ROBO2: variants seen among roughly 807,000 people sequenced by gnomAD.
ROBO2 encodes the protein roundabout guidance receptor 2, also known as roundabout homolog 2.
ROBO2 carries 53 observed loss-of-function variants against 160.8 expected under a neutral mutation model. The ratio of observed to expected loss-of-function variants is 0.33; its 90% CI spans 0.26 to 0.41. The LOEUF (loss-of-function observed/expected upper bound fraction) is 0.41. Among genes scored for constraint, ROBO2 ranks in the 10% least tolerant of loss-of-function variants. The pLI is 1.00. For missense variants in ROBO2, 1,577 were observed against 1,722.4 expected, an observed-to-expected ratio of 0.92 and a Z score of 1.49; for synonymous variants, 664 against 611.7, an observed-to-expected ratio of 1.09 and a Z score of -1.26.
intron 2 of ROBO2, among the ~76,000 whole-genome samples, chr3:76,442,798 TCA>T (rs1376968474): frequency 1.3e-5 from 2 of 152,156 alleles, no homozygotes; most frequent in Non-Finnish European, 2.9e-5. Flanking sequence ...TTGCAGAATC[TCA>T]GTGTTTGCGT....
At chr3:77,375,049 A>G (rs1365195682) in intron 2 of ROBO2, among the ~76,000 whole-genome samples, 1 of 152,028 alleles carries the variant, frequency 6.6e-6, no homozygotes, top group Admixed American at 6.6e-5. Context: ...TCTCTACAAA[A>G]AGTTTTTGAA....
At chr3:77,570,254 C>A (rs1208130841) in intron 13 of ROBO2, among the ~76,000 whole-genome samples, 1 of 151,982 alleles carries the variant, frequency 6.6e-6, no homozygotes, top group Non-Finnish European at 1.5e-5. Flanking sequence ...TGAAGTTAAT[C>A]ACTTTAAAGT....
chr3:76,874,732 G>A (rs2072514069), intron 2 of ROBO2, among the ~76,000 whole-genome samples: 1 of 152,190 alleles, frequency 6.6e-6, no homozygotes, highest in Non-Finnish European at 1.5e-5. Context: ...CATGGAATGA[G>A]TAAACAAAAT....
At chr3:77,382,037 A>T (rs1415166396) in intron 2 of ROBO2, among the ~76,000 whole-genome samples, 1 of 152,150 alleles carries the variant, frequency 6.6e-6, no homozygotes. Context: ...TTTGTCCTTG[A>T]TGTTTGCAGA....
chr3:77,172,440 G>A (rs904186399), intron 2 of ROBO2, among the ~76,000 whole-genome samples: 4 of 151,962 alleles, frequency 2.6e-5, no homozygotes, highest in African/African-American at 4.8e-5. Context: ...ACAGAATTTG[G>A]CAAACATTAT....
intron 2 of ROBO2, among the ~76,000 whole-genome samples, chr3:76,147,948 T>C (rs1051789853): frequency 8.6e-5 from 13 of 152,040 alleles, no homozygotes; most frequent in African/African-American, 2.7e-4. Context: ...GTTCACGTTG[T>C]TATCTATAGA....
At chr3:76,498,683 CT>C (rs71101892) in intron 2 of ROBO2, among the ~76,000 whole-genome samples, 1,475 of 130,804 alleles carry the variant, frequency 0.011, 11 homozygotes, top group African/African-American at 0.029. Context: ...AGTTTGTCTG[CT>C]TTTTTTTTTT....
At chr3:76,948,230 A>G (rs1200305727) in intron 2 of ROBO2, among the ~76,000 whole-genome samples, 1 of 152,190 alleles carries the variant, frequency 6.6e-6, no homozygotes, top group East Asian at 1.9e-4. Context: ...TCTTGCAATT[A>G]TGCTGCTCTG....
intron 2 of ROBO2, among the ~76,000 whole-genome samples, chr3:76,445,126 A>T (rs2077112485): frequency 6.6e-6 from 1 of 152,192 alleles, no homozygotes; most frequent in African/African-American, 2.4e-5. Context: ...GAAGGGAAAG[A>T]TATTTTCTAA....
intron 2 of ROBO2, among the ~76,000 whole-genome samples, chr3:76,172,820 A>G (rs1477740606): frequency 6.6e-6 from 1 of 152,146 alleles, no homozygotes; most frequent in African/African-American, 2.4e-5. Flanking sequence ...TGTTTTATAA[A>G]TGGAAATTTT....
At chr3:77,313,603 A>C (rs2063725095) in intron 2 of ROBO2, among the ~76,000 whole-genome samples, 3 of 151,678 alleles carry the variant, frequency 2.0e-5, no homozygotes, top group Admixed American at 2.0e-4. Context: ...GTTTGTTTTT[A>C]AGATGGAGTT....
At chr3:75,944,561 G>A (rs1315603796) in intron 2 of ROBO2, among the ~76,000 whole-genome samples, 1 of 152,028 alleles carries the variant, frequency 6.6e-6, no homozygotes, top group Non-Finnish European at 1.5e-5. Flanking sequence ...TGTACACAGT[G>A]TTCATAGTGT....
intron 2 of ROBO2, among the ~76,000 whole-genome samples, chr3:77,214,803 C>T (rs1009889464): frequency 2.2e-4 from 34 of 152,072 alleles, no homozygotes; most frequent in Admixed American, 5.9e-4. Flanking sequence ...AGCATTTGCT[C>T]GTCTGTAAAG....
intron 2 of ROBO2, among the ~76,000 whole-genome samples, chr3:76,087,557 T>C (rs1601982): frequency 0.38 from 58,193 of 151,824 alleles, 11,740 homozygotes; most frequent in South Asian, 0.58. Flanking sequence ...TGATACAGGT[T>C]ACAAAGTCAT....
chr3:77,075,851 T>C (rs1424248097), intron 1 of ROBO2, among the ~76,000 whole-genome samples: 1 of 151,738 alleles, frequency 6.6e-6, no homozygotes, highest in African/African-American at 2.4e-5. Flanking sequence ...CTAATTTTTG[T>C]ATTTTTAGTA....
rs1300686323 is a variant in ROBO2 at position 76,282,318 on chromosome 3, TA to T, written c.109+344717del. Among the ~76,000 whole-genome samples the T allele has an allele frequency of 2.6e-5, 4 of 152,006 alleles. No individual in the cohort carries two copies. The East Asian group carries it at 7.7e-4, about 29-fold the overall frequency. ...CTGTATAAAGTGTCAATCATGGAGATACAAATGAGAAATAATAAATTTTACA... is the reference window on the plus strand; with the variant it reads ...CTGTATAAAGTGTCAATCATGGAGATCAAATGAGAAATAATAAATTTTACA... On this transcript the variant is annotated intron_variant, in intron 2 of 26. Transcript: ENST00000487694.
intron 2 of ROBO2, among the ~76,000 whole-genome samples, chr3:77,351,821 G>A (rs1031277008): frequency 4.6e-5 from 7 of 151,882 alleles, no homozygotes; most frequent in Non-Finnish European, 8.8e-5. Context: ...AATAAGAGTC[G>A]CAGGTTTTTT....
In ROBO2 at chr3:77,240,359, C is replaced by T. The variant is rs376332772; in HGVS notation, c.388+142019C>T. Among the ~76,000 whole-genome samples, 3 of 152,196 alleles carry T rather than the reference C, an allele frequency of 2.0e-5. No homozygotes were observed. The East Asian group carries it at 5.8e-4, about 29-fold the overall frequency. ...TAAGCCCCTCACTGCCCGGAGCCGT[C>T]AGTGCCAGTCGCCCGCTCCGAGTGG... On this transcript the variant is annotated intron_variant, in intron 2 of 25. Transcript: ENST00000461745.
At chr3:76,001,030 T>G (rs940418408) in intron 2 of ROBO2, among the ~76,000 whole-genome samples, 1 of 152,196 alleles carries the variant, frequency 6.6e-6, no homozygotes, top group Non-Finnish European at 1.5e-5. Flanking sequence ...TGCTTTTCAT[T>G]GACTTGACTG....
Sources: gnomAD v4.1 joint callset for allele counts (sites outside exome capture counted in the v4.1 genomes callset) on GRCh38, gnomAD v4.1.1 for gene constraint, MANE v1.5 for transcripts, NCBI Gene and HGNC (gene_info 2026-07-23, HGNC 2026-07-21) for gene names.